Variants in NRDC observed in about 807,000 individuals in gnomAD.
NRDC encodes nardilysin convertase.
A neutral mutation model predicts 147.1 loss-of-function variants in NRDC; 54 were observed. The observed-to-expected ratio is 0.37, with a 90% confidence interval of 0.29 to 0.46. The LOEUF is 0.46. Among genes scored for constraint, NRDC ranks in the 20% least tolerant of loss-of-function variants. The pLI, the probability that NRDC is intolerant of heterozygous loss-of-function variation, is 1.00. For missense variants in NRDC, 1,082 were observed against 1,370.6 expected (o/e 0.79, Z 3.33); for synonymous variants, 440 against 482.1 (o/e 0.91, Z 1.14).
At chr1:51,847,824 C>A (rs1345121870) in intron 1 of NRDC, among the ~76,000 whole-genome samples, 1 of 152,204 alleles carries the variant, frequency 6.6e-6, no homozygotes, top group Non-Finnish European at 1.5e-5. Flanking sequence ...CACAGTGCAG[C>A]GGCGGCCTGA....
At chr1:51,877,203 T>A (rs1683373715) in intron 1 of NRDC, among the ~76,000 whole-genome samples, 1 of 151,318 alleles carries the variant, frequency 6.6e-6, no homozygotes, top group South Asian at 2.1e-4. Context: ...AAAAAGGAAA[T>A]CAGCAAATGA....
intron 20 of NRDC, among the ~76,000 whole-genome samples, chr1:51,802,285 G>C (rs999973365): frequency 1.3e-5 from 2 of 151,816 alleles, no homozygotes; most frequent in African/African-American, 4.8e-5. Flanking sequence ...TATTCTTTTT[G>C]CTAAACTGGA....
At chr1:51,862,743 C>T (rs537663288) in intron 1 of NRDC, among the ~76,000 whole-genome samples, 2 of 151,836 alleles carry the variant, frequency 1.3e-5, no homozygotes, top group South Asian at 4.2e-4. Context: ...AGGCCAGGAG[C>T]AGTGGCTCAT....
intron 1 of NRDC, among the ~76,000 whole-genome samples, chr1:51,849,351 CTT>C (rs1460201407): frequency 2.0e-5 from 3 of 151,516 alleles, no homozygotes; most frequent in Admixed American, 6.6e-5. Context: ...GGAGGCGGAG[CTT>C]GCAGTGAGCC....
In NRDC at chr1:51,790,987, AGAACTG is replaced by A; in HGVS notation, c.2961-3_2963del. 1 of 1,608,838 alleles carries A rather than the reference AGAACTG, an allele frequency of 6.2e-7. No homozygotes were observed. Among genetic ancestry groups the A allele is most frequent in the African/African-American group, 1.3e-5 (1 of 74,926 alleles). On this transcript the variant is annotated splice_acceptor_variant and splice_polypyrimidine_tract_variant and coding_sequence_variant and intron_variant, in exon 28 of 31. Transcript: ENST00000352171. LOFTEE classifies it high-confidence loss of function. ...CTTCTATCTTCTTATCAACAACTTC[AGAACTG>A]AAACAAAACATCTTCAATCAGAACT... is the stretch of plus-strand genomic sequence containing the variant.
intron 1 of NRDC, chr1:51,877,892 G>T: frequency 4.5e-6 from 2 of 442,962 alleles, no homozygotes; most frequent in Non-Finnish European, 6.3e-6. Context: ...TTTGGATAGT[G>T]ATAATATGCC....
chr1:51,809,426 C>T, intron 16 of NRDC, 25 bp from the exon 17 acceptor site: 3 of 1,443,040 alleles, frequency 2.1e-6, no homozygotes, highest in Non-Finnish European at 2.9e-6. Context: ...AATAAACTGA[C>T]CCAATAAACA....
intron 1 of NRDC, among the ~76,000 whole-genome samples, chr1:51,875,774 G>A (rs976267551): frequency 6.6e-6 from 1 of 151,912 alleles, no homozygotes; most frequent in African/African-American, 2.4e-5. Flanking sequence ...GGCTGGTCTC[G>A]AAATCCTGCG....
intron 14 of NRDC, 142 bp downstream of exon 14, chr1:51,813,893 A>G (rs936382254): frequency 6.4e-6 from 4 of 624,036 alleles, no homozygotes; most frequent in Non-Finnish European, 1.2e-5. Context: ...ATTTTCAGAT[A>G]GCTTCAAGGC....
intron 22 of NRDC, chr1:51,795,736 C>A (rs1180689614): frequency 6.5e-6 from 1 of 153,504 alleles, no homozygotes; most frequent in Non-Finnish European, 1.4e-5. Context: ...TCAGAACAAA[C>A]TCCTCATATG....
chr1:51,802,324 T>G (rs377751660), intron 20 of NRDC, among the ~76,000 whole-genome samples: 12 of 152,326 alleles, frequency 7.9e-5, no homozygotes, highest in South Asian at 6.2e-4. Context: ...TACATCTATA[T>G]TCTACAGATA....
rs768125785 is a variant in NRDC, at chr1:51,878,556, G to A, written c.60C>T (p.Ala20=). The A allele has an allele frequency of 3.7e-6, 6 of 1,613,500 alleles. No individual in the cohort carries two copies. Among genetic ancestry groups the A allele is most frequent in the South Asian group, 1.1e-5 (1 of 91,004 alleles). ...VCATRRKLCE[A]GRELAALWGI... is the part of the protein sequence containing the mutation. ...CCCAGAGCGCCGCGAGCTCCCGCCC[G>A]GCCTCACACAACTTCCTCCGGGTGG... is the stretch of plus-strand genomic sequence containing the variant. The change falls in exon 1 of 31, where the codon GCC becomes GCT. Residue 20 remains alanine, a synonymous_variant. Coordinates refer to ENST00000352171, the MANE Select transcript of NRDC (RefSeq NM_001101662.2).
chr1:51,810,407 A>G lies in NRDC; in HGVS notation c.1780-3T>C. ...TGATTCAAGGCTTCACCAATGACCT[A>G]GTAAAGTGGGAAGAGGGGAAAGAGA... On this transcript the variant is annotated splice_region_variant and splice_polypyrimidine_tract_variant and intron_variant, in intron 15 of 30. Coordinates refer to ENST00000352171, the MANE Select transcript of NRDC (RefSeq NM_001101662.2). The G allele has an allele frequency of 6.2e-7, 1 of 1,609,192 alleles. No homozygotes were observed. The highest frequency in any genetic ancestry group is 8.5e-7 in the Non-Finnish European group (1 of 1,177,988).
chr1:51,796,713 G>A (rs1258968103), intron 22 of NRDC, among the ~76,000 whole-genome samples: 67 of 151,016 alleles, frequency 4.4e-4, no homozygotes, highest in African/African-American at 1.2e-3. Flanking sequence ...TCAGCCTCCC[G>A]AGTAGCTGGA....
chr1:51,849,643 C>G (rs746191761), intron 1 of NRDC, among the ~76,000 whole-genome samples: 5 of 151,232 alleles, frequency 3.3e-5, no homozygotes, highest in Non-Finnish European at 7.4e-5. Context: ...GGTGAAACCC[C>G]GTCTCTACTA....
At chr1:51,846,879 G>A (rs1300116749) in intron 1 of NRDC, among the ~76,000 whole-genome samples, 2 of 152,214 alleles carry the variant, frequency 1.3e-5, no homozygotes, top group African/African-American at 4.8e-5. Context: ...ATGCTGATTG[G>A]TGTGTTTACA....
intron 22 of NRDC, among the ~76,000 whole-genome samples, chr1:51,796,520 G>A (rs181911793): frequency 1.2e-4 from 18 of 151,790 alleles, no homozygotes; most frequent in Non-Finnish European, 2.5e-4. Context: ...GATTACAGGC[G>A]TGGGCCGCCT....
At chr1:51,839,421 T>C (rs929915287) in intron 2 of NRDC, among the ~76,000 whole-genome samples, 5 of 152,154 alleles carry the variant, frequency 3.3e-5, no homozygotes, top group African/African-American at 1.2e-4. Flanking sequence ...CATCTCGGCC[T>C]CTTTGTATGT....
intron 14 of NRDC, among the ~76,000 whole-genome samples, chr1:51,813,161 C>T (rs192441440): frequency 6.0e-4 from 91 of 151,370 alleles, no homozygotes; most frequent in Admixed American, 1.6e-3. Context: ...AAAAGTCTTG[C>T]GATAAGAAGT....
Sources: allele counts gnomAD v4.1 joint callset (sites outside exome capture counted in the v4.1 genomes callset), GRCh38; gene constraint gnomAD v4.1.1; transcripts MANE v1.5; gene names NCBI Gene and HGNC (gene_info 2026-07-23, HGNC 2026-07-21).